DNAH7: variants seen among roughly 807,000 people sequenced by gnomAD.
The protein encoded by DNAH7 is dynein axonemal heavy chain 7, also known as axonemal beta dynein heavy chain 7.
A neutral mutation model predicts 444.6 loss-of-function variants in DNAH7; 397 were observed. The observed-to-expected ratio is 0.89, with a 90% CI of 0.82 to 0.97. DNAH7 has a LOEUF of 0.97. Among genes scored for constraint, DNAH7 ranks in the 50% least tolerant of loss-of-function variants. The pLI, the probability that DNAH7 is intolerant of heterozygous loss-of-function variation, is 0.00. For synonymous variants in DNAH7, 1,636 were observed against 1,624.4 expected (o/e 1.01, Z -0.17); for missense variants, 4,902 against 4,800.8 (o/e 1.02, Z -0.62).
intron 5 of DNAH7, among the ~76,000 whole-genome samples, chr2:196,044,276 A>G (rs1287760029): frequency 6.6e-6 from 1 of 151,962 alleles, no homozygotes; most frequent in Non-Finnish European, 1.5e-5. Context: ...AAGGAATAAA[A>G]TAACAGCATT....
intron 15 of DNAH7, among the ~76,000 whole-genome samples, chr2:195,981,615 C>T (rs912781428): frequency 1.3e-5 from 2 of 152,092 alleles, no homozygotes; most frequent in African/African-American, 4.8e-5. Flanking sequence ...GAAAAACTGA[C>T]ACACAGACTA....
Position 196,068,688 on chromosome 2 carries a change from CCCTCTCA to C in DNAH7, c.15+2_15+8del. 1.3e-6 allele frequency: 2 copies of C among 1,551,198 alleles called. No homozygotes were observed. The highest frequency in any genetic ancestry group is 3.9e-5 in the Admixed American group (2 of 51,070). ...CGGCGGCGAGCCTGGCAAAGAGCAG[CCCTCTCA>C]CCTGCTCACTGCTCATGGCTGCGAG... On this transcript the variant is annotated splice_donor_variant and splice_donor_5th_base_variant and intron_variant, in intron 1 of 64. Coordinates refer to ENST00000312428, the MANE Select transcript of DNAH7 (RefSeq NM_018897.3). LOFTEE classifies it high-confidence loss of function.
At chr2:195,747,142 C>T (rs372032794) in intron 63 of DNAH7, among the ~76,000 whole-genome samples, 55 of 151,828 alleles carry the variant, frequency 3.6e-4, no homozygotes, top group African/African-American at 9.2e-4. Flanking sequence ...ATCAAATAGA[C>T]GCAATAAAAA....
intron 41 of DNAH7, among the ~76,000 whole-genome samples, chr2:195,862,285 T>C (rs1314924411): frequency 6.6e-6 from 1 of 152,196 alleles, no homozygotes; most frequent in Non-Finnish European, 1.5e-5. Flanking sequence ...CATTTAATTC[T>C]CCTAACATTT....
At chr2:196,047,629 A>AT (rs1697219780) in intron 4 of DNAH7, 130 bp from the exon 5 acceptor site, 16 of 690,300 alleles carry the variant, frequency 2.3e-5, no homozygotes, top group Admixed American at 1.0e-4. Flanking sequence ...TCCTAAGTAT[A>AT]ATTTTTTTTT....
intron 1 of DNAH7, chr2:196,068,448 C>T: frequency 1.8e-6 from 1 of 555,884 alleles, no homozygotes; most frequent in Non-Finnish European, 3.1e-6. Flanking sequence ...TGTGGCTCCC[C>T]CTGCTGGCGC....
intron 58 of DNAH7, among the ~76,000 whole-genome samples, chr2:195,781,378 C>T (rs1437821017): frequency 6.6e-6 from 1 of 152,080 alleles, no homozygotes. Flanking sequence ...CCAACATGCC[C>T]CTGAGAGTCC....
intron 63 of DNAH7, among the ~76,000 whole-genome samples, chr2:195,746,114 G>T (rs1208206199): frequency 6.6e-6 from 1 of 152,140 alleles, no homozygotes. Flanking sequence ...CATCTCACGT[G>T]CAGAGACACA....
intron 24 of DNAH7, among the ~76,000 whole-genome samples, chr2:195,910,652 T>G (rs1559214089): frequency 6.6e-6 from 1 of 152,164 alleles, no homozygotes; most frequent in African/African-American, 2.4e-5. Context: ...TATAAATAAA[T>G]GAGTATATTT....
At chr2:196,029,403 G>A (rs1404366905) in intron 5 of DNAH7, among the ~76,000 whole-genome samples, 2 of 152,030 alleles carry the variant, frequency 1.3e-5, no homozygotes, top group African/African-American at 4.8e-5. Flanking sequence ...GAGGTAGAAG[G>A]TTGGGGGTTG....
At chr2:195,828,557 C>T (rs1472803242) in intron 48 of DNAH7, among the ~76,000 whole-genome samples, 2 of 151,018 alleles carry the variant, frequency 1.3e-5, no homozygotes, top group African/African-American at 4.9e-5. Context: ...TGTACTCCAG[C>T]CTGGGCGACA....
At chr2:196,001,192 C>G (rs574643624) in intron 11 of DNAH7, among the ~76,000 whole-genome samples, 34 of 152,260 alleles carry the variant, frequency 2.2e-4, no homozygotes, top group African/African-American at 7.5e-4. Context: ...TTCCAAGGCC[C>G]TGCTCACACT....
Position 195,888,269 on chromosome 2 carries a change from T to G in DNAH7, c.5395A>C (p.Lys1799Gln). ...MVPVSVEFIRKHTKELSPTSD... is the reference protein window; with the variant it reads ...MVPVSVEFIRQHTKELSPTSD... ...CTCATTTCCCTTACCTTTGTATGCT[T>G]TCTAATAAATTCAACCGAAACAGGG... The change falls in exon 33 of 65, where the codon AAG (lysine) becomes CAG (glutamine). Residue 1799 changes from lysine to glutamine, a missense_variant. Lys to Gln is a moderately conservative substitution (Grantham distance 53). Coordinates refer to ENST00000312428, the MANE Select transcript of DNAH7 (RefSeq NM_018897.3). 2 of 1,608,752 alleles carry G rather than the reference T, an allele frequency of 1.2e-6. No homozygotes were observed. The highest frequency in any genetic ancestry group is 1.7e-6 in the Non-Finnish European group (2 of 1,178,292).
chr2:196,015,853 G>T lies in DNAH7; in HGVS notation c.870-2947C>A, dbSNP rs139518187. Reference sequence around the variant, plus strand: ...ACTACTCAGAGGGGTAGCCCTTGTTGACTGTCCCCCCACTCTTAATACTCA... The same window carrying T: ...ACTACTCAGAGGGGTAGCCCTTGTTTACTGTCCCCCCACTCTTAATACTCA... On this transcript the variant is annotated intron_variant, in intron 9 of 64. Transcript: ENST00000312428. Among the ~76,000 whole-genome samples the T allele has an allele frequency of 2.1e-3, 315 of 152,250 alleles. 1 individual carries two copies. Among genetic ancestry groups the T allele is most frequent in the African/African-American group, 7.1e-3 (295 of 41,538 alleles).
chr2:195,748,786 C>T (rs367931096), intron 63 of DNAH7, among the ~76,000 whole-genome samples: 9 of 152,080 alleles, frequency 5.9e-5, no homozygotes, highest in South Asian at 4.2e-4. Flanking sequence ...TAGCCATATG[C>T]AGAAAGCTGA....
chr2:195,942,410 G>C (rs1289308145), intron 19 of DNAH7, among the ~76,000 whole-genome samples: 1 of 149,952 alleles, frequency 6.7e-6, no homozygotes, highest in Non-Finnish European at 1.5e-5. Flanking sequence ...AAGATGAAGA[G>C]GAGGAAGAGG....
intron 7 of DNAH7, among the ~76,000 whole-genome samples, chr2:196,024,933 T>A (rs1388610791): frequency 1.3e-5 from 2 of 149,118 alleles, no homozygotes; most frequent in African/African-American, 5.0e-5. Flanking sequence ...CAACGATGAA[T>A]CAAAAATATT....
chr2:195,844,828 T>C (rs1206002371), intron 47 of DNAH7, among the ~76,000 whole-genome samples, 174 bp downstream of exon 47: 1 of 152,200 alleles, frequency 6.6e-6, no homozygotes, highest in Non-Finnish European at 1.5e-5. Context: ...TGTCTAATAC[T>C]CAACTATTAT....
chr2:195,876,459 G>A, intron 37 of DNAH7, 85 bp downstream of exon 37: 1 of 1,308,044 alleles, frequency 7.6e-7, no homozygotes, highest in African/African-American at 1.5e-5. Flanking sequence ...ACAAAAAGAT[G>A]TCTCTCCCCA....
Sources: gnomAD v4.1 joint callset for allele counts (sites outside exome capture counted in the v4.1 genomes callset) on GRCh38, gnomAD v4.1.1 for gene constraint, MANE v1.5 for transcripts, NCBI Gene and HGNC (gene_info 2026-07-23, HGNC 2026-07-21) for gene names.